Variants in TSPAN8 observed in about 807,000 individuals in gnomAD.
TSPAN8 encodes the protein tetraspanin-8.
In TSPAN8, 21 loss-of-function variants were observed where a neutral mutation model predicts 32.8. The ratio of observed to expected loss-of-function variants is 0.64; its 90% CI spans 0.45 to 0.92. The LOEUF is 0.92. Among genes scored for constraint, TSPAN8 ranks in the 40% least tolerant of loss-of-function variants. The pLI is 0.00. For synonymous variants in TSPAN8, 95 were observed against 94.6 expected, an observed-to-expected ratio of 1.00 and a Z score of -0.03; for missense variants, 269 against 281.9, an observed-to-expected ratio of 0.95 and a Z score of 0.33.
At chr12:71,141,218 G>C (rs1871892836) in intron 3 of TSPAN8, among the ~76,000 whole-genome samples, 1 of 152,184 alleles carries the variant, frequency 6.6e-6, no homozygotes, top group African/African-American at 2.4e-5. Flanking sequence ...GTCTCTAAAA[G>C]TCTATGCTTA....
intron 2 of TSPAN8, among the ~76,000 whole-genome samples, chr12:71,149,122 G>A (rs1352009101): frequency 6.6e-6 from 1 of 152,096 alleles, no homozygotes; most frequent in Non-Finnish European, 1.5e-5. Flanking sequence ...ATTCAGAGTA[G>A]AATGTGCTGA....
chr12:71,157,443 T>A (rs777463195), intron 2 of TSPAN8, 176 bp downstream of exon 2: 13 of 532,014 alleles, frequency 2.4e-5, no homozygotes, highest in Non-Finnish European at 4.3e-5. Flanking sequence ...AGTCCTTGGC[T>A]CATTTTCAAT....
chr12:71,139,619 A>G (rs1011234861), intron 4 of TSPAN8, 92 bp downstream of exon 4: 17 of 1,472,482 alleles, frequency 1.2e-5, no homozygotes, highest in Admixed American at 6.3e-5. Flanking sequence ...AGTTTCATCA[A>G]TCATGGCACG....
chr12:71,153,715 C>T (rs191199080), intron 2 of TSPAN8, among the ~76,000 whole-genome samples: 22 of 152,254 alleles, frequency 1.4e-4, no homozygotes, highest in East Asian at 5.8e-4. Flanking sequence ...TGAGCATAGA[C>T]GGGAGAGTAG....
At chr12:71,153,790 A>T (rs1872332148) in intron 2 of TSPAN8, among the ~76,000 whole-genome samples, 1 of 152,166 alleles carries the variant, frequency 6.6e-6, no homozygotes, top group Non-Finnish European at 1.5e-5. Flanking sequence ...TAAAATATTG[A>T]TGTCACCTCT....
At chr12:71,127,685 A>C (rs559509259) in intron 8 of TSPAN8, among the ~76,000 whole-genome samples, 7 of 152,326 alleles carry the variant, frequency 4.6e-5, no homozygotes, top group Admixed American at 1.3e-4. Context: ...AAAATACTGA[A>C]ATACATTAAT....
chr12:71,154,123 A>G (rs1201677477), intron 2 of TSPAN8, among the ~76,000 whole-genome samples: 6 of 152,060 alleles, frequency 3.9e-5, no homozygotes, highest in Non-Finnish European at 8.8e-5. Flanking sequence ...AGCCTGGCCA[A>G]CATGGCAAAA....
At chr12:71,130,043 C>A (rs1290910811) in intron 7 of TSPAN8, among the ~76,000 whole-genome samples, 2 of 150,636 alleles carry the variant, frequency 1.3e-5, no homozygotes, top group African/African-American at 4.9e-5. Context: ...GCCTTGACTT[C>A]CTGGGCTCAA....
intron 4 of TSPAN8, chr12:71,139,198 C>T (rs770357875): frequency 4.6e-5 from 21 of 456,846 alleles, no homozygotes; most frequent in South Asian, 2.9e-4. Flanking sequence ...TTGCCGGTCT[C>T]CTGCCATACC....
chr12:71,151,566 A>G (rs770737658), intron 2 of TSPAN8, among the ~76,000 whole-genome samples: 5 of 152,236 alleles, frequency 3.3e-5, no homozygotes, highest in Non-Finnish European at 5.9e-5. Context: ...TTCTGAATCA[A>G]AAAATGACAC....
chr12:71,139,162 T>C (rs1172405452), intron 4 of TSPAN8: 17 of 456,278 alleles, frequency 3.7e-5, no homozygotes, highest in African/African-American at 3.4e-4. Flanking sequence ...CTTGGATTCA[T>C]CTTCCATCAT....
rs746311736 is a variant in TSPAN8 at position 71,138,190 on chromosome 12, G to A, written c.302C>T (p.Ala101Val). 34 of 1,613,818 alleles carry A rather than the reference G, an allele frequency of 2.1e-5. No homozygotes were observed. Among genetic ancestry groups the A allele is most frequent in the Non-Finnish European group, 2.5e-5 (29 of 1,179,948 alleles). Residue 101 changes from alanine to valine, a missense_variant, in exon 5 of 9, where the codon GCG becomes GTG. Transcript: ENST00000247829. ...GLLLILLLQV[A>V]TGILGAVFKS... ...GAAAACAGCTCCTAGGATACCTGTC[G>A]CCACCTGCAGGAGCAGGATCAGAAG...
intron 3 of TSPAN8, among the ~76,000 whole-genome samples, chr12:71,142,756 G>A (rs113159800): frequency 0.012 from 1,763 of 151,344 alleles, 29 homozygotes; most frequent in African/African-American, 0.041. Context: ...TGTGGAAGCC[G>A]CTAATTGCCA....
intron 2 of TSPAN8, among the ~76,000 whole-genome samples, chr12:71,150,317 T>C (rs1030286171): frequency 2.0e-5 from 3 of 152,240 alleles, no homozygotes; most frequent in Non-Finnish European, 2.9e-5. Flanking sequence ...TGATCTTTTT[T>C]GGACCCTTAT....
chr12:71,139,497 G>GAAGGATGTATTTCAGGGTCCTGGC (rs1555195468), intron 4 of TSPAN8, among the ~76,000 whole-genome samples: 77 of 152,148 alleles, frequency 5.1e-4, no homozygotes, highest in South Asian at 1.7e-3. Context: ...ATGGATGAAT[G>GAAGGATGTATTTCAGGGTCCTGGC]ATTAAAATTT....
intron 6 of TSPAN8, among the ~76,000 whole-genome samples, chr12:71,136,229 TC>T (rs1871692940): frequency 6.6e-6 from 1 of 152,202 alleles, no homozygotes; most frequent in South Asian, 2.1e-4. Context: ...TAATTTTTTT[TC>T]CTCTGAAACT....
chr12:71,157,347 T>C lies in TSPAN8; in HGVS notation c.60+272A>G, dbSNP rs548346281. 40 of 358,584 alleles carry C rather than the reference T, an allele frequency of 1.1e-4. No individual in the cohort carries two copies. The South Asian group carries it at 1.7e-3, about 16-fold the overall frequency. 22.2% of individuals were successfully genotyped at this position (358,584 alleles called of 1,614,324 possible). A position where few individuals can be genotyped will look rare whatever the true frequency, so the allele number is the denominator to read the frequency against. On this transcript the variant is annotated intron_variant, in intron 2 of 8. Transcript: ENST00000247829. ...AAAATTGTCCTTTAATTAAGGGGCA[T>C]TTGTGTTCCTCTGTGATTTTTTTTT...
intron 2 of TSPAN8, among the ~76,000 whole-genome samples, chr12:71,151,353 G>A (rs533756534): frequency 1.3e-4 from 20 of 152,248 alleles, no homozygotes; most frequent in Non-Finnish European, 2.4e-4. Flanking sequence ...ATGAGCCACC[G>A]CGCCTGGTCT....
Position 71,125,250 on chromosome 12 carries a change from A to G in TSPAN8, c.*84T>C. On this transcript the variant is annotated 3_prime_UTR_variant, in exon 9 of 9. Transcript: ENST00000247829. ...AAAAAGACAGCTGCTCCTGACTTAT[A>G]TAGCACTTACATATTTAAATTTACA... 1.7e-6 allele frequency: 2 copies of G among 1,192,252 alleles called. No homozygotes were observed. The highest frequency in any genetic ancestry group is 2.4e-6 in the Non-Finnish European group (2 of 822,318). The allele number at this position is 1,192,252 out of a possible 1,614,324, so 73.9% of individuals were successfully genotyped here.
Sources: gnomAD v4.1 joint callset for allele counts (sites outside exome capture counted in the v4.1 genomes callset) on GRCh38, gnomAD v4.1.1 for gene constraint, MANE v1.5 for transcripts, NCBI Gene and HGNC (gene_info 2026-07-23, HGNC 2026-07-21) for gene names.